Variants in STEAP3 observed in about 807,000 individuals in gnomAD.
The protein encoded by STEAP3 is metalloreductase STEAP3.
A neutral mutation model predicts 34.9 loss-of-function variants in STEAP3; 35 were observed. That is an observed-to-expected ratio of 1.00 (90% CI 0.76 to 1.33). The LOEUF (loss-of-function observed/expected upper bound fraction) is 1.33. STEAP3 is among the 40% of genes most tolerant of loss of function. The pLI is 0.00. For synonymous variants in STEAP3, 281 were observed against 301.6 expected (o/e 0.93, Z 0.71); for missense variants, 652 against 667.6 (o/e 0.98, Z 0.26).
chr2:119,250,463 A>G (rs1289933687), intron 4 of STEAP3, among the ~76,000 whole-genome samples: 2 of 152,114 alleles, frequency 1.3e-5, no homozygotes, highest in Admixed American at 1.3e-4. Flanking sequence ...ATGCTCTTTG[A>G]CGATATTTTC....
intron 5 of STEAP3, among the ~76,000 whole-genome samples, chr2:119,257,101 T>C (rs1203033452): frequency 6.6e-6 from 1 of 152,108 alleles, no homozygotes; most frequent in Non-Finnish European, 1.5e-5. Flanking sequence ...TGGCGGACAC[T>C]CACTAGTGGG....
chr2:119,260,669 G>A (rs984281298), intron 5 of STEAP3, among the ~76,000 whole-genome samples: 1 of 152,256 alleles, frequency 6.6e-6, no homozygotes, highest in African/African-American at 2.4e-5. Flanking sequence ...TTAGAATTTA[G>A]AAAAGTTGGG....
At chr2:119,257,677 C>G in intron 5 of STEAP3, 1 of 1,421,518 alleles carries the variant, frequency 7.0e-7, no homozygotes, top group Non-Finnish European at 9.2e-7. Flanking sequence ...CAGTGGCATG[C>G]TGGCTTTTGA....
intron 2 of STEAP3, among the ~76,000 whole-genome samples, chr2:119,242,597 G>A (rs747235266): frequency 8.5e-5 from 13 of 152,144 alleles, no homozygotes; most frequent in Non-Finnish European, 1.8e-4. Context: ...CTGCTGGCAC[G>A]GAGCTTCATT....
chr2:119,245,016 C>T (rs1677365412), intron 2 of STEAP3: 1 of 164,060 alleles, frequency 6.1e-6, no homozygotes, highest in African/African-American at 2.4e-5. Flanking sequence ...AAGAACTGCT[C>T]CAAGATGCAA....
In STEAP3 at chr2:119,255,537, A is replaced by G. The variant is rs190681767; in HGVS notation, c.1215+689A>G. Among the ~76,000 whole-genome samples, 40 of 152,336 alleles carry G rather than the reference A, an allele frequency of 2.6e-4. 1 individual carries two copies. In the East Asian group the frequency reaches 7.7e-3, roughly 29 times the overall value. The stretch of plus-strand genomic sequence containing the variant: ...ATCTACAACAAACAAACCTTTGTTA[A>G]TCAGACTTATTGGAGTGTTAGCACC... On this transcript the variant is annotated intron_variant, in intron 5 of 5. Transcript: ENST00000393110.
At chr2:119,243,863 T>G (rs1024695608) in intron 2 of STEAP3, among the ~76,000 whole-genome samples, 1 of 152,128 alleles carries the variant, frequency 6.6e-6, no homozygotes, top group Non-Finnish European at 1.5e-5. Flanking sequence ...ATCCACTCCC[T>G]CACCTGGTCA....
intron 2 of STEAP3, among the ~76,000 whole-genome samples, chr2:119,240,267 G>A (rs1677208196): frequency 6.6e-6 from 1 of 152,258 alleles, no homozygotes. Context: ...TGGGCTGCTT[G>A]AGGACAAGAA....
chr2:119,237,286 C>T (rs1677119746), intron 2 of STEAP3, among the ~76,000 whole-genome samples: 1 of 152,168 alleles, frequency 6.6e-6, no homozygotes, highest in South Asian at 2.1e-4. Context: ...CTGGGCAAGT[C>T]ACTTCACCTT....
At chr2:119,246,082 C>G in intron 3 of STEAP3, 94 bp downstream of exon 3, 6 of 1,460,198 alleles carry the variant, frequency 4.1e-6, no homozygotes, top group Non-Finnish European at 5.5e-6. Flanking sequence ...GATATGTTAT[C>G]ATAACTAATC....
chr2:119,255,931 G>A (rs77482741), intron 5 of STEAP3, among the ~76,000 whole-genome samples: 8,077 of 152,242 alleles, frequency 0.053, 289 homozygotes, highest in Middle Eastern at 0.11. Flanking sequence ...TAAAGGAAAC[G>A]GAGGCAGGGA....
chr2:119,246,231 C>A, intron 3 of STEAP3: 1 of 548,622 alleles, frequency 1.8e-6, no homozygotes, highest in South Asian at 2.3e-5. Context: ...GTTCTTTCTG[C>A]TATGGTAACA....
At chr2:119,250,974 A>G (rs187105002) in intron 4 of STEAP3, among the ~76,000 whole-genome samples, 25 of 152,246 alleles carry the variant, frequency 1.6e-4, no homozygotes, top group African/African-American at 6.0e-4. Flanking sequence ...ACCAGGGCTG[A>G]TGTGGTTATG....
intron 3 of STEAP3, chr2:119,246,785 C>G (rs1427160961): frequency 6.6e-6 from 1 of 152,366 alleles, no homozygotes; most frequent in African/African-American, 2.4e-5. Context: ...AGCAAGCAAG[C>G]TGGCTGGAAA....
chr2:119,246,093 C>T (rs987067192), intron 3 of STEAP3, 105 bp downstream of exon 3: 2 of 1,387,954 alleles, frequency 1.4e-6, no homozygotes, highest in African/African-American at 2.9e-5. Context: ...ATAACTAATC[C>T]TGCATCACTG....
intron 4 of STEAP3, among the ~76,000 whole-genome samples, chr2:119,250,571 C>A (rs1677593889): frequency 6.6e-6 from 1 of 152,196 alleles, no homozygotes; most frequent in Non-Finnish European, 1.5e-5. Flanking sequence ...GGCAGATCTG[C>A]ATGGAGGAGC....
chr2:119,264,766 G>C lies in STEAP3; in HGVS notation c.*1428G>C, dbSNP rs1265844369. 2.6e-5 allele frequency: 4 copies of C among 152,094 alleles called. No homozygotes were observed. Among genetic ancestry groups the C allele is most frequent in the African/African-American group, 7.3e-5 (3 of 41,294 alleles). 9.4% of individuals were successfully genotyped at this position (152,094 alleles called of 1,614,324 possible). A position where few individuals can be genotyped will look rare whatever the true frequency, so the allele number is the denominator to read the frequency against. The stretch of plus-strand genomic sequence containing the variant: ...AAGGAAGAGAGTAGGGCCAGTGAAG[G>C]CTGCCCAGAGAGAATGTCACAGATG... On this transcript the variant is annotated 3_prime_UTR_variant, in exon 6 of 6. Coordinates refer to ENST00000393110, the MANE Select transcript of STEAP3 (RefSeq NM_182915.3).
chr2:119,244,449 G>A (rs1287346542), intron 2 of STEAP3: 2 of 151,520 alleles, frequency 1.3e-5, no homozygotes, highest in African/African-American at 4.9e-5. Flanking sequence ...GTGTGGCCCA[G>A]GCTGGTCTTG....
In STEAP3 at chr2:119,230,753, A is replaced by C. The variant is rs1676901963; in HGVS notation, c.-260A>C. On this transcript the variant is annotated 5_prime_UTR_variant, in exon 2 of 6. Transcript: ENST00000393110. ...CTCCCCGAGCAGGAAGCAGCAGGCC[A>C]GAGCTGCGCTCTCTCAGTGCACTCT... 2 of 577,458 alleles carry C rather than the reference A, an allele frequency of 3.5e-6. No homozygotes were observed. The highest frequency in any genetic ancestry group is 6.2e-6 in the Non-Finnish European group (2 of 320,692). 35.8% of individuals were successfully genotyped at this position (577,458 alleles called of 1,614,324 possible).
Sources: allele counts gnomAD v4.1 joint callset (sites outside exome capture counted in the v4.1 genomes callset), GRCh38; gene constraint gnomAD v4.1.1; transcripts MANE v1.5; gene names NCBI Gene and HGNC (gene_info 2026-07-23, HGNC 2026-07-21).